BICC1: variants seen among roughly 807,000 people sequenced by gnomAD.
The protein encoded by BICC1 is BicC family RNA binding protein 1.
Under a neutral mutation model 111.0 loss-of-function variants are expected in BICC1, and 43 were observed. That is an observed-to-expected ratio of 0.39 (90% confidence interval 0.30 to 0.50). BICC1 has a LOEUF of 0.50. Among genes scored for constraint, BICC1 ranks in the 20% least tolerant of loss-of-function variants. The probability of loss-of-function intolerance (pLI) is 0.88; values close to 1 mark genes in which losing one functional copy is unlikely to be tolerated. For missense variants in BICC1, 1,091 were observed against 1,203.2 expected (o/e 0.91, Z 1.38); for synonymous variants, 467 against 434.4 (o/e 1.07, Z -0.93).
intron 2 of BICC1, among the ~76,000 whole-genome samples, chr10:58,670,320 A>G (rs1258500466): frequency 6.6e-6 from 1 of 152,170 alleles, no homozygotes; most frequent in Non-Finnish European, 1.5e-5. Flanking sequence ...TTAAACATTC[A>G]TAAAGTAAAT....
intron 2 of BICC1, among the ~76,000 whole-genome samples, chr10:58,689,883 A>G (rs533984508): frequency 1.3e-5 from 2 of 152,266 alleles, no homozygotes; most frequent in African/African-American, 2.4e-5. Context: ...AGCATATGAC[A>G]CTTTTCAGTT....
At chr10:58,683,939 C>T (rs1589016889) in intron 2 of BICC1, among the ~76,000 whole-genome samples, 1 of 152,212 alleles carries the variant, frequency 6.6e-6, no homozygotes. Flanking sequence ...GAGAGGGCAT[C>T]CCTGTCTTGT....
At chr10:58,689,197 C>T (rs923375680) in intron 2 of BICC1, among the ~76,000 whole-genome samples, 6 of 152,136 alleles carry the variant, frequency 3.9e-5, no homozygotes, top group Non-Finnish European at 5.9e-5. Context: ...CCTTATGGCT[C>T]ATGGGTGGAG....
At chr10:58,827,410 A>G (rs1844430985) in intron 20 of BICC1, among the ~76,000 whole-genome samples, 1 of 152,250 alleles carries the variant, frequency 6.6e-6, no homozygotes, top group Non-Finnish European at 1.5e-5. Flanking sequence ...AGAGCCAGTC[A>G]AGAAAATCAT....
At chr10:58,589,543 C>G (rs1434285649) in intron 1 of BICC1, among the ~76,000 whole-genome samples, 1 of 151,780 alleles carries the variant, frequency 6.6e-6, no homozygotes, top group African/African-American at 2.4e-5. Flanking sequence ...GCAGTCATGG[C>G]TCACTGCAAC....
intron 2 of BICC1, among the ~76,000 whole-genome samples, chr10:58,646,049 A>G (rs117643306): frequency 0.015 from 2,217 of 151,922 alleles, 28 homozygotes; most frequent in Middle Eastern, 0.045. Flanking sequence ...TGGAATAGCA[A>G]TTAGATTTGC....
intron 2 of BICC1, among the ~76,000 whole-genome samples, chr10:58,670,212 C>CT (rs1839140720): frequency 6.6e-6 from 1 of 152,056 alleles, no homozygotes; most frequent in Non-Finnish European, 1.5e-5. Flanking sequence ...GCATTTCAAA[C>CT]TAATGCGCAG....
At chr10:58,677,800 AG>A (rs1839391508) in intron 2 of BICC1, among the ~76,000 whole-genome samples, 1 of 152,328 alleles carries the variant, frequency 6.6e-6, no homozygotes, top group South Asian at 2.1e-4. Context: ...AGCCAGAAAA[AG>A]GTTGGGTTAC....
At chr10:58,771,311 A>C (rs1384919884) in intron 3 of BICC1, among the ~76,000 whole-genome samples, 1 of 152,188 alleles carries the variant, frequency 6.6e-6, no homozygotes, top group Admixed American at 6.5e-5. Flanking sequence ...GAGGAAATAG[A>C]TATCAGTCAC....
At chr10:58,629,402 A>T (rs1172245328) in intron 2 of BICC1, among the ~76,000 whole-genome samples, 4 of 152,078 alleles carry the variant, frequency 2.6e-5, no homozygotes, top group Non-Finnish European at 5.9e-5. Context: ...TACTATTAAT[A>T]CAAGATAAAT....
intron 17 of BICC1, among the ~76,000 whole-genome samples, chr10:58,813,221 G>A (rs1320545764): frequency 2.0e-5 from 3 of 152,150 alleles, no homozygotes; most frequent in African/African-American, 7.2e-5. Flanking sequence ...TAAATACAAA[G>A]ATGAATAAAT....
Position 58,513,138 on chromosome 10 carries a change from C to T in BICC1, c.-6C>T. Reference sequence around the variant, plus strand: ...GCAGCGGGAGCCCGAGCGCTGCGCGCCCACCATGGCCGCCCAGGGAGAGCC... The same window carrying T: ...GCAGCGGGAGCCCGAGCGCTGCGCGTCCACCATGGCCGCCCAGGGAGAGCC... On this transcript the variant is annotated 5_prime_UTR_variant, in exon 1 of 21. Coordinates refer to ENST00000373886, the MANE Select transcript of BICC1 (RefSeq NM_001080512.3). 2.0e-6 allele frequency: 3 copies of T among 1,465,978 alleles called. No individual in the cohort carries two copies. The highest frequency in any genetic ancestry group is 2.7e-6 in the Non-Finnish European group (3 of 1,112,070). 90.8% of individuals were successfully genotyped at this position (1,465,978 alleles called of 1,614,324 possible).
intron 1 of BICC1, among the ~76,000 whole-genome samples, chr10:58,516,858 CAGGGAGGAA>C (rs1564467500): frequency 1.3e-5 from 2 of 151,906 alleles, no homozygotes; most frequent in African/African-American, 4.8e-5. Context: ...ACTGAGTTAT[CAGGGAGGAA>C]AGGGAGGAGA....
chr10:58,582,725 T>C (rs72800569), intron 1 of BICC1, among the ~76,000 whole-genome samples: 1,942 of 152,252 alleles, frequency 0.013, 27 homozygotes, highest in Middle Eastern at 0.044. Flanking sequence ...TTCCTTGTCT[T>C]TCTCCAGCTT....
chr10:58,703,645 G>GT (rs1015476841), intron 3 of BICC1, among the ~76,000 whole-genome samples: 9 of 152,126 alleles, frequency 5.9e-5, no homozygotes, highest in Admixed American at 5.2e-4. Context: ...ATGTTGGAAT[G>GT]TTTTGTACTC....
intron 4 of BICC1, 70 bp from the exon 5 acceptor site, chr10:58,786,853 G>A: frequency 8.1e-7 from 1 of 1,232,926 alleles, no homozygotes; most frequent in South Asian, 2.3e-5. Context: ...ATTCCCTTGA[G>A]GGAAAGACAT....
chr10:58,528,927 A>G (rs778579929), intron 1 of BICC1, among the ~76,000 whole-genome samples: 3 of 151,952 alleles, frequency 2.0e-5, no homozygotes, highest in Non-Finnish European at 4.4e-5. Context: ...CAAATGGGAA[A>G]TGTGGTAGAA....
intron 1 of BICC1, among the ~76,000 whole-genome samples, chr10:58,615,739 C>G (rs933386975): frequency 1.3e-5 from 2 of 152,170 alleles, no homozygotes; most frequent in African/African-American, 2.4e-5. Flanking sequence ...TCGGTCCCCA[C>G]TGATTCCAGG....
At position 58,629,826 on chromosome 10, in the gene BICC1, A is replaced by G. The variant is rs575580694; in HGVS notation, c.237+8925A>G. Among the ~76,000 whole-genome samples, 15 of 152,246 alleles carry G rather than the reference A, an allele frequency of 9.9e-5. No individual in the cohort carries two copies. The East Asian group carries it at 1.2e-3, about 12-fold the overall frequency. On this transcript the variant is annotated intron_variant, in intron 2 of 20. Coordinates refer to ENST00000373886, the MANE Select transcript of BICC1 (RefSeq NM_001080512.3). The stretch of plus-strand genomic sequence containing the variant: ...GATGTTTTTGCATTTTATCTTGGCA[A>G]AGTATGTTGCGTTAAAATTTGTTTT...
Sources: gnomAD v4.1 joint callset for allele counts (sites outside exome capture counted in the v4.1 genomes callset) on GRCh38, gnomAD v4.1.1 for gene constraint, MANE v1.5 for transcripts, NCBI Gene and HGNC (gene_info 2026-07-23, HGNC 2026-07-21) for gene names.